The following GAREM1 variants were observed in gnomAD, a reference collection of about 807,000 sequenced individuals.
GAREM1 encodes GRB2-associated and regulator of MAPK protein 1.
GAREM1 carries 26 observed loss-of-function variants against 71.3 expected under a neutral mutation model. The observed-to-expected ratio is 0.36, with a 90% CI of 0.27 to 0.51. The LOEUF is 0.51. Among genes scored for constraint, GAREM1 ranks in the 20% least tolerant of loss-of-function variants. The probability of loss-of-function intolerance (pLI) is 0.95; values close to 1 mark genes in which losing one functional copy is unlikely to be tolerated. For synonymous variants in GAREM1, 440 were observed against 433.2 expected (o/e 1.02, Z -0.20); for missense variants, 1,026 against 1,103.1 (o/e 0.93, Z 0.99).
At chr18:32,454,234 G>A (rs1309230071) in intron 1 of GAREM1, among the ~76,000 whole-genome samples, 3 of 151,504 alleles carry the variant, frequency 2.0e-5, no homozygotes, top group Admixed American at 1.3e-4. Flanking sequence ...TGAATTACTG[G>A]ACCCAAAGAT....
intron 4 of GAREM1, among the ~76,000 whole-genome samples, chr18:32,281,376 C>T (rs552619544): frequency 7.1e-4 from 108 of 152,046 alleles, no homozygotes; most frequent in African/African-American, 2.2e-3. Flanking sequence ...TCTTTAAGTC[C>T]CATTTTTCTC....
intron 5 of GAREM1, 24 bp downstream of exon 5, chr18:32,270,193 G>A: frequency 1.2e-6 from 2 of 1,611,958 alleles, no homozygotes; most frequent in Non-Finnish European, 1.7e-6. Context: ...TAAGCGTGCA[G>A]TGGGACCTGG....
At chr18:32,358,079 C>T (rs555450803) in intron 2 of GAREM1, among the ~76,000 whole-genome samples, 1 of 151,386 alleles carries the variant, frequency 6.6e-6, no homozygotes, top group African/African-American at 2.4e-5. Context: ...TAGTTAGCAC[C>T]GTCTATCCCC....
intron 2 of GAREM1, among the ~76,000 whole-genome samples, chr18:32,343,311 G>GTTTTTTTTTTTTTTTTTTTT (rs35086441): frequency 2.5e-5 from 3 of 118,870 alleles, no homozygotes; most frequent in African/African-American, 1.0e-4. Flanking sequence ...CTCCCCCACT[G>GTTTTTTTTTTTTTTTTTTTT]TTTTTTTTTT....
At chr18:32,390,254 A>C (rs2048183310) in intron 2 of GAREM1, among the ~76,000 whole-genome samples, 1 of 152,208 alleles carries the variant, frequency 6.6e-6, no homozygotes, top group African/African-American at 2.4e-5. Context: ...AAAAACTACC[A>C]AATCACTAAA....
intron 1 of GAREM1, among the ~76,000 whole-genome samples, chr18:32,396,003 A>G (rs1473768345): frequency 6.6e-6 from 1 of 152,254 alleles, no homozygotes; most frequent in Non-Finnish European, 1.5e-5. Context: ...TTTGCTGTTC[A>G]GCAATATTCG....
chr18:32,318,015 A>G (rs2047396678), intron 2 of GAREM1, among the ~76,000 whole-genome samples: 1 of 152,208 alleles, frequency 6.6e-6, no homozygotes, highest in Non-Finnish European at 1.5e-5. Context: ...CTGAGATGTT[A>G]CTGTCAAACT....
intron 3 of GAREM1, among the ~76,000 whole-genome samples, chr18:32,303,286 C>T (rs146001435): frequency 5.3e-5 from 8 of 152,284 alleles, no homozygotes; most frequent in African/African-American, 1.9e-4. Context: ...TTCTGGATTA[C>T]ATCAGTGAAG....
chr18:32,452,465 A>T (rs2048849604), intron 1 of GAREM1, among the ~76,000 whole-genome samples: 1 of 152,182 alleles, frequency 6.6e-6, no homozygotes, highest in Non-Finnish European at 1.5e-5. Flanking sequence ...TTAAAACCTC[A>T]CAAAATTCTA....
In GAREM1 at chr18:32,287,362, T is replaced by C. The variant is rs767023548; in HGVS notation, c.1235A>G (p.Asp412Gly). Residue 412 changes from aspartate to glycine, a missense_variant, in exon 4 of 6, where the codon GAT (aspartate) becomes GGT (glycine). By Grantham distance (94) the Asp-to-Gly change is moderately conservative. Transcript: ENST00000269209. The surrounding 1 kb of genome is among the most constrained non-coding windows in gnomAD (Gnocchi z 5.9). ...GATGTCATGAGGAAAGGGAGCCCAA[T>C]CTCCCCCCAGGTCCCTGCAACCATG... ...NLHGCRDLGGDWAPFPHDILP... is the reference protein window; with the variant it reads ...NLHGCRDLGGGWAPFPHDILP... 1 of 1,614,118 alleles carries C rather than the reference T, an allele frequency of 6.2e-7. No homozygotes were observed. Among genetic ancestry groups the C allele is most frequent in the Non-Finnish European group, 8.5e-7 (1 of 1,180,012 alleles).
rs2041385933 is a variant in GAREM1, at chr18:32,267,236, G to A, written c.*635C>T. ...TCTCTGCTCAATAAAATTAGCAGCA[G>A]TTACAGATAAATTATTGTGGTCATG... On this transcript the variant is annotated 3_prime_UTR_variant, in exon 6 of 6. Coordinates refer to ENST00000269209, the MANE Select transcript of GAREM1 (RefSeq NM_001242409.2). The A allele has an allele frequency of 6.6e-6, 1 of 152,162 alleles. No individual in the cohort carries two copies. The highest frequency in any genetic ancestry group is 2.4e-5 in the African/African-American group (1 of 41,430). The allele number at this position is 152,162 out of a possible 1,614,324, so 9.4% of individuals were successfully genotyped here. A position where few individuals can be genotyped will look rare whatever the true frequency, so the allele number is the denominator to read the frequency against.
chr18:32,468,803 A>G (rs1348924040), intron 1 of GAREM1, among the ~76,000 whole-genome samples: 2 of 152,258 alleles, frequency 1.3e-5, no homozygotes, highest in South Asian at 4.1e-4. Flanking sequence ...AAAGGTAAGG[A>G]CTCACAATCT....
intron 1 of GAREM1, among the ~76,000 whole-genome samples, chr18:32,445,260 A>G (rs1372300905): frequency 1.3e-5 from 2 of 152,196 alleles, no homozygotes; most frequent in African/African-American, 4.8e-5. Flanking sequence ...TACACATATT[A>G]GTAAAAAGGG....
chr18:32,285,731 G>A (rs1263654690), intron 4 of GAREM1, among the ~76,000 whole-genome samples: 3 of 152,202 alleles, frequency 2.0e-5, no homozygotes, highest in Non-Finnish European at 2.9e-5. Context: ...TGTATTAACA[G>A]TCATTGCTTT....
chr18:32,463,166 T>G (rs542048302), intron 1 of GAREM1, among the ~76,000 whole-genome samples: 44 of 152,290 alleles, frequency 2.9e-4, no homozygotes, highest in African/African-American at 9.9e-4. Flanking sequence ...GTACATATAC[T>G]GAAATGCCAC....
chr18:32,439,788 C>T (rs331968), intron 1 of GAREM1, among the ~76,000 whole-genome samples: 1 of 152,108 alleles, frequency 6.6e-6, no homozygotes, highest in Non-Finnish European at 1.5e-5. Flanking sequence ...ATCACCCCCT[C>T]TAAGTCTCAA....
intron 2 of GAREM1, among the ~76,000 whole-genome samples, chr18:32,382,759 G>A (rs1220698015): frequency 2.6e-5 from 4 of 152,158 alleles, no homozygotes; most frequent in African/African-American, 9.7e-5. Flanking sequence ...GGCTGGAAAG[G>A]AGGAGCAGTT....
At chr18:32,438,863 C>T (rs1165924691) in intron 1 of GAREM1, among the ~76,000 whole-genome samples, 2 of 152,142 alleles carry the variant, frequency 1.3e-5, no homozygotes. Flanking sequence ...CACCGTGTCT[C>T]CTAAGCAAGA....
chr18:32,305,107 C>T (rs2047240608), intron 3 of GAREM1, among the ~76,000 whole-genome samples: 1 of 151,860 alleles, frequency 6.6e-6, no homozygotes, highest in East Asian at 1.9e-4. Flanking sequence ...AACATTCTTA[C>T]CCTGAAAACT....
Sources: allele counts gnomAD v4.1 joint callset (sites outside exome capture counted in the v4.1 genomes callset), GRCh38; gene constraint gnomAD v4.1.1; non-coding constraint Gnocchi (gnomAD v3.1); transcripts MANE v1.5; gene names NCBI Gene and HGNC (gene_info 2026-07-23, HGNC 2026-07-21).